Variants in RBFOX1 observed in about 807,000 individuals in gnomAD.
RBFOX1 encodes the protein RNA binding protein fox-1 homolog 1.
In RBFOX1, 8 loss-of-function variants were observed where a neutral mutation model predicts 57.7. The ratio of observed to expected loss-of-function variants is 0.14; its 90% confidence interval spans 0.08 to 0.25. The LOEUF (loss-of-function observed/expected upper bound fraction) is 0.25, where lower values mean the gene tolerates loss of function less well. Among genes scored for constraint, RBFOX1 ranks in the 10% least tolerant of loss-of-function variants. The probability of loss-of-function intolerance (pLI) is 1.00; values close to 1 mark genes in which losing one functional copy is unlikely to be tolerated. For missense variants in RBFOX1, 611 were observed against 548.5 expected, an observed-to-expected ratio of 1.11 and a Z score of -1.14; for synonymous variants, 326 against 222.4, an observed-to-expected ratio of 1.47 and a Z score of -4.15.
intron 4 of RBFOX1, among the ~76,000 whole-genome samples, chr16:5,957,707 ATTTG>A (rs2059673126): frequency 6.6e-6 from 1 of 152,036 alleles, no homozygotes; most frequent in Non-Finnish European, 1.5e-5. Context: ...AGGTGTGTAT[ATTTG>A]GGGGGCACAT....
At chr16:5,693,504 T>C (rs1035125136) in intron 3 of RBFOX1, among the ~76,000 whole-genome samples, 1 of 152,008 alleles carries the variant, frequency 6.6e-6, no homozygotes, top group African/African-American at 2.4e-5. Context: ...ATAATACTTG[T>C]GGAACAAAAA....
At chr16:6,477,677 T>C (rs1423351910) in intron 2 of RBFOX1, among the ~76,000 whole-genome samples, 1 of 152,248 alleles carries the variant, frequency 6.6e-6, no homozygotes, top group Non-Finnish European at 1.5e-5. Context: ...TAGCCCCTAA[T>C]AAGAGCGTCA....
chr16:7,577,113 C>G lies in RBFOX1; in HGVS notation c.271-2664C>G, dbSNP rs542808680. On this transcript the variant is annotated intron_variant, in intron 5 of 15. Transcript: ENST00000550418. ...CATGAAGGCGGCGACATTGATTGTA[C>G]ACTTCTTCATGCATTTGTTTATTCG... is the stretch of plus-strand genomic sequence containing the variant. 5.9e-5 allele frequency among the ~76,000 whole-genome samples: 9 copies of G among 152,320 alleles called. No homozygotes were observed. In the East Asian group the frequency reaches 1.4e-3, roughly 23 times the overall value.
intron 14 of RBFOX1, among the ~76,000 whole-genome samples, chr16:7,695,649 C>CCAA (rs1178098207): frequency 1.0e-5 from 1 of 98,400 alleles, no homozygotes; most frequent in African/African-American, 4.1e-5. Flanking sequence ...AAGCCTCCAT[C>CCAA]AAAAAAAAAA....
chr16:5,876,325 T>C (rs1189888914), intron 4 of RBFOX1, among the ~76,000 whole-genome samples: 1 of 152,048 alleles, frequency 6.6e-6, no homozygotes, highest in Non-Finnish European at 1.5e-5. Flanking sequence ...GTACATCCTA[T>C]CATTTTTTCT....
chr16:5,850,574 G>C (rs1441787331), intron 3 of RBFOX1, among the ~76,000 whole-genome samples: 1 of 152,176 alleles, frequency 6.6e-6, no homozygotes, highest in Non-Finnish European at 1.5e-5. Context: ...TATGACAGCA[G>C]ACACCTCTGC....
intron 10 of RBFOX1, among the ~76,000 whole-genome samples, chr16:7,608,096 A>G (rs2056703444): frequency 6.6e-6 from 1 of 152,204 alleles, no homozygotes; most frequent in African/African-American, 2.4e-5. Context: ...GGACCTTAGT[A>G]GGTTTGCCAC....
chr16:7,400,097 C>G (rs1597460224), intron 4 of RBFOX1, among the ~76,000 whole-genome samples: 2 of 152,094 alleles, frequency 1.3e-5, no homozygotes, highest in East Asian at 3.9e-4. Context: ...CTTAGTCACC[C>G]AACTAAGAAA....
intron 4 of RBFOX1, among the ~76,000 whole-genome samples, chr16:5,902,561 G>T (rs1168096618): frequency 6.6e-6 from 1 of 152,034 alleles, no homozygotes; most frequent in East Asian, 1.9e-4. Context: ...GATTGCAGGT[G>T]CCTGCCACCA....
chr16:6,296,861 T>A (rs980656054), intron 1 of RBFOX1, among the ~76,000 whole-genome samples: 1 of 152,186 alleles, frequency 6.6e-6, no homozygotes, highest in Non-Finnish European at 1.5e-5. Context: ...TCTTGGATCT[T>A]GTGCAAGAAA....
chr16:6,911,783 T>A (rs8048076), intron 3 of RBFOX1, among the ~76,000 whole-genome samples: 1 of 152,034 alleles, frequency 6.6e-6, no homozygotes, highest in Non-Finnish European at 1.5e-5. Context: ...TTTCCACTTA[T>A]AGAAGAGATC....
At chr16:6,559,969 C>G (rs1192561940) in intron 2 of RBFOX1, among the ~76,000 whole-genome samples, 2 of 152,114 alleles carry the variant, frequency 1.3e-5, no homozygotes, top group African/African-American at 4.8e-5. Flanking sequence ...CCCACATGAA[C>G]AGACTTTTGT....
chr16:5,314,462 G>A (rs1236592434), intron 1 of RBFOX1, among the ~76,000 whole-genome samples: 2 of 152,178 alleles, frequency 1.3e-5, no homozygotes, highest in African/African-American at 4.8e-5. Flanking sequence ...GGTGCAGCAG[G>A]CACAGTGACT....
At chr16:7,188,135 A>T (rs2084385387) in intron 4 of RBFOX1, among the ~76,000 whole-genome samples, 1 of 152,212 alleles carries the variant, frequency 6.6e-6, no homozygotes, top group African/African-American at 2.4e-5. Flanking sequence ...AGATCAGCCA[A>T]CTCAGCAAGA....
chr16:6,215,464 GA>G (rs964489056), intron 1 of RBFOX1, among the ~76,000 whole-genome samples: 3 of 151,586 alleles, frequency 2.0e-5, no homozygotes, highest in South Asian at 2.1e-4. Flanking sequence ...AAGAGAGGGA[GA>G]GGGGGAGAGG....
At chr16:6,799,672 G>C (rs1603626210) in intron 3 of RBFOX1, among the ~76,000 whole-genome samples, 1 of 152,258 alleles carries the variant, frequency 6.6e-6, no homozygotes, top group East Asian at 1.9e-4. Flanking sequence ...GTGGAAGAAG[G>C]TGGGATGAGC....
At chr16:7,632,796 A>G (rs924231145) in intron 11 of RBFOX1, among the ~76,000 whole-genome samples, 1 of 152,192 alleles carries the variant, frequency 6.6e-6, no homozygotes, top group Non-Finnish European at 1.5e-5. Flanking sequence ...TGTTATATTA[A>G]TTAGCCATAT....
rs539791404 is a variant in RBFOX1, at chr16:5,421,973, A to G, written c.220-45243A>G. 1.2e-4 allele frequency among the ~76,000 whole-genome samples: 19 copies of G among 152,266 alleles called. No individual in the cohort carries two copies. In the South Asian group the frequency reaches 3.7e-3, roughly 30 times the overall value. On this transcript the variant is annotated intron_variant, in intron 1 of 2. Transcript: ENST00000585867. ...AGCCATGATGCCTACTGCTAGTGGG[A>G]ATAAGGGAGAAAGGGTGTCTATACA...
intron 1 of RBFOX1, among the ~76,000 whole-genome samples, chr16:5,375,468 A>T (rs558020523): frequency 6.6e-6 from 1 of 152,216 alleles, no homozygotes; most frequent in Non-Finnish European, 1.5e-5. Flanking sequence ...TGGGATAGTG[A>T]CGGTGATAAG....
Sources: gnomAD v4.1 joint callset for allele counts (sites outside exome capture counted in the v4.1 genomes callset) on GRCh38, gnomAD v4.1.1 for gene constraint, MANE v1.5 for transcripts, NCBI Gene and HGNC (gene_info 2026-07-23, HGNC 2026-07-21) for gene names.